Variants in DOP1B observed in about 807,000 individuals in gnomAD.
The protein encoded by DOP1B is DOP1 leucine zipper like protein B, also known as protein DOP1B.
In DOP1B, 174 loss-of-function variants were observed where a neutral mutation model predicts 233.5. The observed-to-expected ratio is 0.75, with a 90% confidence interval of 0.66 to 0.85. The LOEUF (loss-of-function observed/expected upper bound fraction) is 0.85. Ranked by LOEUF, DOP1B falls within the 40% of genes least tolerant of loss-of-function variation. The pLI is 0.00. For missense variants in DOP1B, 2,652 were observed against 2,846.6 expected (o/e 0.93, Z 1.56); for synonymous variants, 1,190 against 1,185.6 (o/e 1.00, Z -0.08).
Position 36,230,478 on chromosome 21 carries a change from T to C in DOP1B, c.1694T>C (p.Ile565Thr). The change falls in exon 14 of 37, where the codon ATA (isoleucine) becomes ACA (threonine). Residue 565 changes from isoleucine to threonine, a missense_variant. By Grantham distance (89) the Ile-to-Thr change is moderately conservative. Coordinates refer to ENST00000691173, the MANE Select transcript of DOP1B (RefSeq NM_001320714.2). ...SSPVKGENGK[I>T]ILETKAVIPG... Reference sequence around the variant, plus strand: ...CCAGTAAAAGGTGAAAACGGCAAAATAATTTTGGAAACAAAGGCAGTGATT... The same window carrying C: ...CCAGTAAAAGGTGAAAACGGCAAAACAATTTTGGAAACAAAGGCAGTGATT... The C allele has an allele frequency of 6.2e-7, 1 of 1,610,624 alleles. No homozygotes were observed. Among genetic ancestry groups the C allele is most frequent in the Non-Finnish European group, 8.5e-7 (1 of 1,177,114 alleles).
At chr21:36,252,785 C>T (rs1451411217) in intron 22 of DOP1B, among the ~76,000 whole-genome samples, 3 of 152,206 alleles carry the variant, frequency 2.0e-5, no homozygotes, top group Non-Finnish European at 4.4e-5. Context: ...GCTGGGATTA[C>T]AGGCGTGAGC....
intron 18 of DOP1B, 33 bp downstream of exon 18, chr21:36,239,988 G>A: frequency 6.3e-7 from 1 of 1,581,826 alleles, no homozygotes; most frequent in Non-Finnish European, 8.6e-7. Context: ...GAGGGTGAGG[G>A]AGGAATGGGT....
intron 2 of DOP1B, among the ~76,000 whole-genome samples, chr21:36,190,646 C>T (rs1209931385): frequency 3.9e-5 from 6 of 152,212 alleles, no homozygotes; most frequent in Non-Finnish European, 7.3e-5. Context: ...GATCTACCTG[C>T]CTCGGCCTCC....
chr21:36,185,300 A>C (rs1178264101), intron 2 of DOP1B, among the ~76,000 whole-genome samples: 1 of 152,092 alleles, frequency 6.6e-6, no homozygotes, highest in African/African-American at 2.4e-5. Context: ...TGTGTTCTGA[A>C]GGGAGAGTCG....
intron 1 of DOP1B, among the ~76,000 whole-genome samples, chr21:36,157,388 A>C (rs2065829393): frequency 6.6e-6 from 1 of 152,144 alleles, no homozygotes; most frequent in Admixed American, 6.5e-5. Context: ...CAGACCTGTG[A>C]GAACTAAGGG....
chr21:36,261,744 C>T (rs1356095412), intron 24 of DOP1B: 1 of 785,506 alleles, frequency 1.3e-6, no homozygotes, highest in Non-Finnish European at 1.5e-6. Context: ...CCTATGTCTA[C>T]TAAAACTACA....
intron 18 of DOP1B, among the ~76,000 whole-genome samples, chr21:36,240,932 A>G (rs1021478061): frequency 3.3e-5 from 5 of 152,320 alleles, no homozygotes; most frequent in Non-Finnish European, 7.3e-5. Context: ...AGACAAGGCT[A>G]TAAGAAGGTT....
intron 24 of DOP1B, chr21:36,261,413 TCA>T (rs1196939107): frequency 1.0e-6 from 1 of 990,984 alleles, no homozygotes; most frequent in African/African-American, 1.8e-5. Context: ...GGTGGCGTTC[TCA>T]GTGTGCCTTC....
intron 23 of DOP1B, among the ~76,000 whole-genome samples, chr21:36,258,633 A>G (rs1424888308): frequency 1.3e-5 from 2 of 152,288 alleles, no homozygotes; most frequent in Non-Finnish European, 2.9e-5. Flanking sequence ...GTTGGGCGTC[A>G]CCCAGTCAGT....
intron 2 of DOP1B, chr21:36,169,319 T>C (rs1424867641): frequency 3.8e-6 from 3 of 779,828 alleles, no homozygotes; most frequent in Non-Finnish European, 6.9e-6. Context: ...GTAGCCCTGG[T>C]CAATCTTACA....
rs377530449 is a variant in DOP1B at position 36,246,654 on chromosome 21, C to T, written c.4674C>T (p.Ser1558=). ...NLDDLVKQYE[S]ESVKLSVSTT... ...ATGACTTGGTCAAGCAGTATGAAAG[C>T]GAATCTGTGAAGCTCTCTGTCAGGT... The change falls in exon 19 of 37, where the codon AGC becomes AGT. Residue 1558 remains serine, a synonymous_variant. Coordinates refer to ENST00000691173, the MANE Select transcript of DOP1B (RefSeq NM_001320714.2). This position sits in a 1 kb window ranked among gnomAD's most constrained non-coding sequence, Gnocchi z 5.1. 9 of 1,611,964 alleles carry T rather than the reference C, an allele frequency of 5.6e-6. No homozygotes were observed. The highest frequency in any genetic ancestry group is 2.2e-5 in the South Asian group (2 of 91,056).
chr21:36,173,117 C>T (rs919615200), intron 2 of DOP1B, among the ~76,000 whole-genome samples: 6 of 151,976 alleles, frequency 3.9e-5, no homozygotes, highest in African/African-American at 1.4e-4. Flanking sequence ...AAGACTCTGT[C>T]TCAAAAAAGA....
intron 2 of DOP1B, among the ~76,000 whole-genome samples, chr21:36,185,342 T>A (rs1352287998): frequency 6.6e-6 from 1 of 152,158 alleles, no homozygotes; most frequent in Non-Finnish European, 1.5e-5. Context: ...TTCCTGTGGT[T>A]TATTGCAGAA....
At chr21:36,292,256 CTT>C (rs55884666) in intron 36 of DOP1B, 23 bp downstream of exon 36, 10,446 of 1,308,732 alleles carry the variant, frequency 8.0e-3, no homozygotes, top group South Asian at 0.015. Flanking sequence ...CTTTTCTTTT[CTT>C]TTTTTTTTTT....
intron 23 of DOP1B, among the ~76,000 whole-genome samples, chr21:36,255,908 G>A (rs1354370632): frequency 6.6e-6 from 1 of 152,024 alleles, no homozygotes; most frequent in Non-Finnish European, 1.5e-5. Context: ...CAGCCTGGAG[G>A]GCCCATGTTG....
chr21:36,219,293 C>T (rs2066597095), intron 9 of DOP1B, 79 bp from the exon 10 acceptor site: 1 of 1,547,686 alleles, frequency 6.5e-7, no homozygotes, highest in East Asian at 2.3e-5. Flanking sequence ...GTATATATGT[C>T]TTATGTATAT....
chr21:36,180,751 T>C (rs1416330046), intron 2 of DOP1B, among the ~76,000 whole-genome samples: 2 of 151,956 alleles, frequency 1.3e-5, no homozygotes, highest in Non-Finnish European at 2.9e-5. Context: ...CATAGTGGCG[T>C]GCACCTGTAA....
rs11353414 is a variant in DOP1B at position 36,217,074 on chromosome 21, C to CA, written c.1130-2278dup. ...TGAGTGACAGAGCGAGACTCCATCT[C>CA]AAAAAAAAAAAAAAAAAAAAGAGAG... On this transcript the variant is annotated intron_variant, in intron 9 of 36. Transcript: ENST00000691173. 6.7e-3 allele frequency among the ~76,000 whole-genome samples: 667 copies of CA among 99,914 alleles called. 8 individuals are homozygous for CA. Among genetic ancestry groups the CA allele is most frequent in the African/African-American group, 0.019 (533 of 27,826 alleles). The allele number at this position is 99,914 out of a possible 152,430, so 65.5% of individuals were successfully genotyped here.
In DOP1B at chr21:36,164,025, C is replaced by A. The variant is rs138666954; in HGVS notation, c.-26-683C>A. On this transcript the variant is annotated intron_variant, in intron 1 of 36. Coordinates refer to ENST00000691173, the MANE Select transcript of DOP1B (RefSeq NM_001320714.2). ...TTTGACCCACAGCTTCTACTGACAT[C>A]TCATTGTCAAGAGCTGTCACATGGC... Among the ~76,000 whole-genome samples the A allele has an allele frequency of 1.4e-4, 21 of 152,338 alleles. No individual in the cohort carries two copies. In the East Asian group the frequency reaches 2.9e-3, roughly 21 times the overall value.
Sources: allele counts gnomAD v4.1 joint callset (sites outside exome capture counted in the v4.1 genomes callset), GRCh38; gene constraint gnomAD v4.1.1; non-coding constraint Gnocchi (gnomAD v3.1); transcripts MANE v1.5; gene names NCBI Gene and HGNC (gene_info 2026-07-23, HGNC 2026-07-21).